Variants in FRMD3 observed in about 807,000 individuals in gnomAD.
The protein encoded by FRMD3 is FERM domain containing 3, also known as FERM domain-containing protein 3.
In FRMD3, 33 loss-of-function variants were observed where a neutral mutation model predicts 70.2. The ratio of observed to expected loss-of-function variants is 0.47; its 90% CI spans 0.36 to 0.63. The LOEUF (loss-of-function observed/expected upper bound fraction) is 0.63. Among genes scored for constraint, FRMD3 ranks in the 20% least tolerant of loss-of-function variants. FRMD3 has a pLI of 0.00. For synonymous variants in FRMD3, 279 were observed against 255.9 expected, an observed-to-expected ratio of 1.09 and a Z score of -0.86; for missense variants, 632 against 711.4, an observed-to-expected ratio of 0.89 and a Z score of 1.27.
chr9:83,520,198 C>T (rs1024783888), intron 1 of FRMD3, among the ~76,000 whole-genome samples: 1 of 152,132 alleles, frequency 6.6e-6, no homozygotes, highest in Non-Finnish European at 1.5e-5. Flanking sequence ...ATCTGTGTGT[C>T]ACTCACCAGG....
At chr9:83,521,099 A>G (rs542323116) in intron 1 of FRMD3, among the ~76,000 whole-genome samples, 62 of 151,740 alleles carry the variant, frequency 4.1e-4, no homozygotes, top group African/African-American at 1.4e-3. Flanking sequence ...AGATCACACC[A>G]CTGCACTCTA....
At chr9:83,477,999 T>C (rs1005992914) in intron 1 of FRMD3, among the ~76,000 whole-genome samples, 1 of 152,242 alleles carries the variant, frequency 6.6e-6, no homozygotes, top group African/African-American at 2.4e-5. Context: ...CCCTTCTCTG[T>C]TGTTTAGACA....
At chr9:83,281,988 T>C (rs1017024282) in intron 13 of FRMD3, among the ~76,000 whole-genome samples, 1 of 152,230 alleles carries the variant, frequency 6.6e-6, no homozygotes, top group African/African-American at 2.4e-5. Context: ...TTTGCTATAA[T>C]TGAAAAATAG....
intron 1 of FRMD3, among the ~76,000 whole-genome samples, chr9:83,528,528 T>C (rs1047581198): frequency 5.9e-5 from 9 of 152,206 alleles, no homozygotes; most frequent in African/African-American, 2.2e-4. Flanking sequence ...GACAGTCACC[T>C]AAACCAGCAA....
intron 2 of FRMD3, among the ~76,000 whole-genome samples, chr9:83,383,180 C>G (rs913054350): frequency 1.3e-5 from 2 of 152,236 alleles, no homozygotes; most frequent in South Asian, 4.1e-4. Flanking sequence ...TCCTCCAGAT[C>G]GGACTAGCTG....
intron 1 of FRMD3, among the ~76,000 whole-genome samples, chr9:83,512,471 T>C (rs1829359519): frequency 6.6e-6 from 1 of 152,194 alleles, no homozygotes; most frequent in African/African-American, 2.4e-5. Context: ...TCACATAGTG[T>C]GTGTCTTGGG....
intron 1 of FRMD3, among the ~76,000 whole-genome samples, chr9:83,399,801 A>C (rs1030936222): frequency 1.3e-5 from 2 of 152,198 alleles, no homozygotes; most frequent in Admixed American, 6.5e-5. Context: ...CACATTTTAA[A>C]ATTGTTAAAA....
chr9:83,389,929 C>T (rs1042992011), intron 1 of FRMD3, among the ~76,000 whole-genome samples: 13 of 152,212 alleles, frequency 8.5e-5, no homozygotes, highest in South Asian at 2.1e-4. Context: ...CACACACACA[C>T]GGAACCAAAA....
At chr9:83,427,547 G>GTATAGGAATAGGTGCAGTACCTA (rs1826846672) in intron 1 of FRMD3, among the ~76,000 whole-genome samples, 1 of 152,132 alleles carries the variant, frequency 6.6e-6, no homozygotes, top group African/African-American at 2.4e-5. Flanking sequence ...TTCAGTACCT[G>GTATAGGAATAGGTGCAGTACCTA]TTAGGTACAG....
At chr9:83,579,728 A>G in the FRMD3 span, among the ~76,000 whole-genome samples, 1 of 152,074 alleles carries the variant, frequency 6.6e-6, no homozygotes, top group African/African-American at 2.4e-5. Context: ...CCTGGGCGCA[A>G]TGGTTTTTTG....
At chr9:83,243,317 G>C, downstream of FRMD3, 1 of 1,207,618 alleles carries the variant, frequency 8.3e-7, no homozygotes, top group Non-Finnish European at 1.2e-6. Context: ...TCTCCACCCT[G>C]TAGAGAGTGG....
At chr9:83,442,952 CAT>C (rs1827346244) in intron 1 of FRMD3, among the ~76,000 whole-genome samples, 1 of 152,130 alleles carries the variant, frequency 6.6e-6, no homozygotes, top group Non-Finnish European at 1.5e-5. Context: ...GTCTTATGTT[CAT>C]ACTAAACTTT....
At chr9:83,575,187 C>G in the FRMD3 span, among the ~76,000 whole-genome samples, 1 of 152,090 alleles carries the variant, frequency 6.6e-6, no homozygotes, top group Non-Finnish European at 1.5e-5. Context: ...TGAAAGACAT[C>G]CTCTCAAAGA....
chr9:83,504,245 T>C (rs1322512204), intron 1 of FRMD3, among the ~76,000 whole-genome samples: 1 of 152,170 alleles, frequency 6.6e-6, no homozygotes, highest in Non-Finnish European at 1.5e-5. Context: ...CAAGTGGTCT[T>C]GGGCTTCCTA....
At chr9:83,496,413 C>A (rs11140124) in intron 1 of FRMD3, among the ~76,000 whole-genome samples, 21,082 of 151,976 alleles carry the variant, frequency 0.14, 1,598 homozygotes, top group East Asian at 0.33. Context: ...TACTCCCCAT[C>A]ACTCAACCAA....
chr9:83,396,818 G>A (rs1283091163), intron 1 of FRMD3, among the ~76,000 whole-genome samples: 1 of 152,198 alleles, frequency 6.6e-6, no homozygotes, highest in African/African-American at 2.4e-5. Context: ...ATTTCAGCAA[G>A]TACAGATTGG....
At chr9:83,297,608 G>A (rs1297667920) in intron 12 of FRMD3, 11 of 379,208 alleles carry the variant, frequency 2.9e-5, no homozygotes, top group Non-Finnish European at 4.8e-5. Flanking sequence ...ATTTGGGGAA[G>A]AGGAGGGAAC....
chr9:83,313,980 C>T (rs771456880), intron 6 of FRMD3, among the ~76,000 whole-genome samples: 4 of 152,170 alleles, frequency 2.6e-5, no homozygotes, highest in Admixed American at 6.6e-5. Context: ...GCACTCTGAG[C>T]GCTCCAGTGA....
intron 3 of FRMD3, among the ~76,000 whole-genome samples, chr9:83,364,335 C>T (rs973227630): frequency 1.3e-5 from 2 of 152,078 alleles, no homozygotes; most frequent in Admixed American, 1.3e-4. Context: ...GAGGCGGGGG[C>T]GTCACAAGGT....
Sources: gnomAD v4.1 joint callset for allele counts (sites outside exome capture counted in the v4.1 genomes callset) on GRCh38, gnomAD v4.1.1 for gene constraint, MANE v1.5 for transcripts, NCBI Gene and HGNC (gene_info 2026-07-23, HGNC 2026-07-21) for gene names.